MAP3K14: variants seen among roughly 807,000 people sequenced by gnomAD.
The protein encoded by MAP3K14 is NF-kappa-beta-inducing kinase.
A neutral mutation model predicts 99.2 loss-of-function variants in MAP3K14; 16 were observed. The observed-to-expected ratio is 0.16, with a 90% CI of 0.11 to 0.24. The LOEUF is 0.24. MAP3K14 is among the 10% of genes least tolerant of loss of function. The pLI is 1.00. For missense variants in MAP3K14, 784 were observed against 1,208.7 expected, an observed-to-expected ratio of 0.65 and a Z score of 5.21; for synonymous variants, 462 against 492.4, an observed-to-expected ratio of 0.94 and a Z score of 0.82.
rs1310515179 is a variant in MAP3K14 at position 45,286,775 on chromosome 17, G to A, written c.808C>T (p.His270Tyr). The change falls in exon 5 of 16, where the codon CAC (histidine) becomes TAC (tyrosine). Residue 270 changes from histidine to tyrosine, a missense_variant. Coordinates refer to ENST00000344686, the MANE Select transcript of MAP3K14 (RefSeq NM_003954.5). The surrounding 1 kb of genome is among the most constrained non-coding windows in gnomAD (Gnocchi z 4.1). Reference sequence around the variant, plus strand: ...TGAGGTTTCCAGGGCTGGAGAGGGTGGAATGGGAAGGGATGAGGCAGTCTG... The same window carrying A: ...TGAGGTTTCCAGGGCTGGAGAGGGTAGAATGGGAAGGGATGAGGCAGTCTG... ...YSRLPHPFPF[H>Y]PLQPWKPHPL... 1.9e-6 allele frequency: 3 copies of A among 1,612,730 alleles called. No individual in the cohort carries two copies. The highest frequency in any genetic ancestry group is 8.5e-7 in the Non-Finnish European group (1 of 1,179,426).
intron 6 of MAP3K14, among the ~76,000 whole-genome samples, chr17:45,277,771 A>C (rs1400860761): frequency 1.3e-5 from 2 of 152,202 alleles, no homozygotes; most frequent in African/African-American, 2.4e-5. Flanking sequence ...CGCTCGAGAC[A>C]GTTCAGCTTC....
chr17:45,288,611 C>T (rs1216760946), intron 3 of MAP3K14, among the ~76,000 whole-genome samples: 9 of 152,066 alleles, frequency 5.9e-5, no homozygotes, highest in South Asian at 4.2e-4. Flanking sequence ...CTCCTGACCT[C>T]GTGATCCACC....
chr17:45,295,040 G>A (rs914696619), intron 1 of MAP3K14, among the ~76,000 whole-genome samples: 1 of 152,066 alleles, frequency 6.6e-6, no homozygotes, highest in Admixed American at 6.5e-5. Flanking sequence ...GCAGGAATGG[G>A]GTTTACAGTA....
intron 1 of MAP3K14, among the ~76,000 whole-genome samples, chr17:45,312,831 A>T (rs1009878464): frequency 6.6e-6 from 1 of 152,178 alleles, no homozygotes; most frequent in Non-Finnish European, 1.5e-5. Context: ...TGAGCTGGGG[A>T]TGCCATGTGG....
At chr17:45,304,330 T>C (rs2044415424) in intron 1 of MAP3K14, among the ~76,000 whole-genome samples, 1 of 152,228 alleles carries the variant, frequency 6.6e-6, no homozygotes, top group Admixed American at 6.5e-5. Flanking sequence ...TAAGGCTTCA[T>C]AAGATTGGAA....
rs146782685 is a variant in MAP3K14 at position 45,312,636 on chromosome 17, G to T, written c.-21+4324C>A. On this transcript the variant is annotated intron_variant, in intron 1 of 15. Transcript: ENST00000344686. Reference sequence around the variant, plus strand: ...TTGCCCATAGCTACTTGACCTCCTGGGCTCAAGTGATCCTCCCGCCTCAGC... The same window carrying T: ...TTGCCCATAGCTACTTGACCTCCTGTGCTCAAGTGATCCTCCCGCCTCAGC... Among the ~76,000 whole-genome samples the T allele has an allele frequency of 2.7e-4, 41 of 152,188 alleles. No homozygotes were observed. In the East Asian group the frequency reaches 6.4e-3, roughly 24 times the overall value.
At chr17:45,300,043 C>T (rs1289363107) in intron 1 of MAP3K14, among the ~76,000 whole-genome samples, 2 of 152,040 alleles carry the variant, frequency 1.3e-5, no homozygotes, top group African/African-American at 2.4e-5. Flanking sequence ...GAGCCGAGAT[C>T]GCGCCACTGC....
rs115716208 is a variant in MAP3K14 at position 45,276,204 on chromosome 17, C to A, written c.1291-1611G>T. ...GGAGTGGCCAAGGCCACTCCCACTGCCAAATGGCAGGTCCGGGATCATCCA... is the reference window on the plus strand; with the variant it reads ...GGAGTGGCCAAGGCCACTCCCACTGACAAATGGCAGGTCCGGGATCATCCA... On this transcript the variant is annotated intron_variant, in intron 6 of 15. Transcript: ENST00000344686. Among the ~76,000 whole-genome samples, 1,426 of 152,280 alleles carry A rather than the reference C, an allele frequency of 9.4e-3. 32 individuals carry two copies. The highest frequency in any genetic ancestry group is 0.032 in the African/African-American group (1,347 of 41,546).
intron 1 of MAP3K14, among the ~76,000 whole-genome samples, chr17:45,313,154 C>T (rs1324112676): frequency 6.6e-6 from 1 of 152,100 alleles, no homozygotes; most frequent in Non-Finnish European, 1.5e-5. Flanking sequence ...GGACTGTCCC[C>T]CTAAAGGTCC....
chr17:45,295,496 T>C (rs551225687), intron 1 of MAP3K14, among the ~76,000 whole-genome samples: 1 of 152,318 alleles, frequency 6.6e-6, no homozygotes, highest in Admixed American at 6.5e-5. Context: ...AGCCCATCTG[T>C]CAGGATTCTT....
intron 6 of MAP3K14, chr17:45,281,948 T>C (rs1211620616): frequency 6.6e-6 from 1 of 151,052 alleles, no homozygotes; most frequent in African/African-American, 2.4e-5. Context: ...TCGGCCCTGA[T>C]CTTACTTTTA....
rs2074293 is a variant in MAP3K14 at position 45,266,706 on chromosome 17, G to A, written c.2434-25C>T. ...TCTGAAACAACAGGATTGGGTACGG[G>A]CTCAGGGCCCTGGGCTCCAGGATCC... On this transcript the variant is annotated intron_variant, in intron 13 of 15. Transcript: ENST00000344686. The A allele has an allele frequency of 0.59, 934,959 of 1,593,594 alleles. 275,179 individuals carry two copies. The highest frequency in any genetic ancestry group is 0.66 in the East Asian group (29,271 of 44,278).
At chr17:45,265,301 G>A (rs769125162) in intron 14 of MAP3K14, 38 bp from the exon 15 acceptor site, 8 of 1,396,482 alleles carry the variant, frequency 5.7e-6, no homozygotes, top group Non-Finnish European at 7.1e-6. Context: ...GAGAGCGGCT[G>A]CTGGCTCCCC....
intron 1 of MAP3K14, among the ~76,000 whole-genome samples, chr17:45,310,096 G>A (rs1010037885): frequency 6.8e-6 from 1 of 148,042 alleles, no homozygotes; most frequent in Non-Finnish European, 1.5e-5. Flanking sequence ...GTGCAATGGT[G>A]GATCTTGGCT....
intron 1 of MAP3K14, among the ~76,000 whole-genome samples, chr17:45,300,744 G>A (rs548398709): frequency 6.6e-6 from 1 of 152,214 alleles, no homozygotes; most frequent in South Asian, 2.1e-4. Context: ...ATGAAACAAT[G>A]TAGATGAAGG....
In MAP3K14 at chr17:45,273,522, C is replaced by T; in HGVS notation, c.1638G>A (p.Leu546=). 1 of 1,611,810 alleles carries T rather than the reference C, an allele frequency of 6.2e-7. No homozygotes were observed. The highest frequency in any genetic ancestry group is 8.5e-7 in the Non-Finnish European group (1 of 1,178,544). The part of the protein sequence containing the change: ...GHAVCLQPDG[L]GKSLLTGDYI... ...CCTTACCTGTGAGCAAGGACTTTCC[C>T]AGGCCATCAGGTTGAAGACACACAG... The change falls in exon 9 of 16, where the codon CTG becomes CTA. Residue 546 remains leucine (L), a synonymous_variant. Transcript: ENST00000344686.
rs370694731 is a variant in MAP3K14 at position 45,270,397 on chromosome 17, G to A, written c.1972+16C>T. 19 of 1,607,194 alleles carry A rather than the reference G, an allele frequency of 1.2e-5. No homozygotes were observed. The highest frequency in any genetic ancestry group is 2.1e-4 in the Middle Eastern group (1 of 4,674). On this transcript the variant is annotated intron_variant, in intron 11 of 15. Transcript: ENST00000344686. ...TCTTCTGCCCCCCGGGTCAGCCAGC[G>A]TGGGGCTCTTCCTACCTTGCTGTAG...
chr17:45,292,815 G>C (rs1044333431), intron 1 of MAP3K14, among the ~76,000 whole-genome samples: 1 of 152,172 alleles, frequency 6.6e-6, no homozygotes, highest in African/African-American at 2.4e-5. Flanking sequence ...TGCTCACAGG[G>C]AGCTCGATGT....
Position 45,267,208 on chromosome 17 carries a change from A to T in MAP3K14, c.2327-10T>A. On this transcript the variant is annotated splice_polypyrimidine_tract_variant and intron_variant, in intron 12 of 15. Coordinates refer to ENST00000344686, the MANE Select transcript of MAP3K14 (RefSeq NM_003954.5). This position sits in a 1 kb window ranked among gnomAD's most constrained non-coding sequence, Gnocchi z 5.1. ...CTGTTGAGGAATAATTCTGCAGGGAAAAGTGGAAGATGGCTGTGAAAGACT... is the reference window on the plus strand; with the variant it reads ...CTGTTGAGGAATAATTCTGCAGGGATAAGTGGAAGATGGCTGTGAAAGACT... The T allele has an allele frequency of 6.4e-7, 1 of 1,562,470 alleles. No individual in the cohort carries two copies. The highest frequency in any genetic ancestry group is 8.7e-7 in the Non-Finnish European group (1 of 1,147,470).
Sources: allele counts gnomAD v4.1 joint callset (sites outside exome capture counted in the v4.1 genomes callset), GRCh38; gene constraint gnomAD v4.1.1; non-coding constraint Gnocchi (gnomAD v3.1); transcripts MANE v1.5; gene names NCBI Gene and HGNC (gene_info 2026-07-23, HGNC 2026-07-21).